The following ZFHX2 variants were observed in gnomAD, a reference collection of about 807,000 sequenced individuals.
The protein encoded by ZFHX2 is zinc finger homeobox 2.
ZFHX2 carries 75 observed loss-of-function variants against 164.8 expected under a neutral mutation model. The ratio of observed to expected loss-of-function variants is 0.46; its 90% CI spans 0.38 to 0.55. The LOEUF (loss-of-function observed/expected upper bound fraction) is 0.55. Among genes scored for constraint, ZFHX2 ranks in the 20% least tolerant of loss-of-function variants. The pLI is 0.00. For missense variants in ZFHX2, 2,933 were observed against 3,308.0 expected, an observed-to-expected ratio of 0.89 and a Z score of 2.78; for synonymous variants, 1,217 against 1,351.4, an observed-to-expected ratio of 0.90 and a Z score of 2.18.
At position 23,523,420 on chromosome 14, in the gene ZFHX2, G is replaced by A; in HGVS notation, c.6522C>T (p.Leu2174=). ...TCAGCTGGGCTCGAACCGCCTCCTT[G>A]AGCTTGGCCAGGTGCTGACGGGAAA... ...HLFSRQHLAK[L]KEAVRAQLKS... is the part of the protein sequence containing the mutation. The change falls in exon 9 of 10, where the codon CTC becomes CTT. Residue 2174 remains leucine, a synonymous_variant. Coordinates refer to ENST00000419474, the MANE Select transcript of ZFHX2 (RefSeq NM_033400.3). This position sits in a 1 kb window ranked among gnomAD's most constrained non-coding sequence, Gnocchi z 4.1. 1 of 1,531,776 alleles carries A rather than the reference G, an allele frequency of 6.5e-7. No homozygotes were observed. 94.9% of individuals were successfully genotyped at this position (1,531,776 alleles called of 1,614,324 possible).
rs1311788875 is a variant in ZFHX2, at chr14:23,523,714, C to T, written c.6228G>A (p.Gln2076=). The T allele has an allele frequency of 6.5e-7, 1 of 1,536,510 alleles. No homozygotes were observed. The highest frequency in any genetic ancestry group is 1.2e-5 in the South Asian group (1 of 84,076). ...RRYRTQMSSL[Q]LKIMKACYEA... ...CATAGCAGGCTTTCATGATCTTCAG[C>T]TGCAGGCTGCTCATCTGGGTCCTGT... Residue 2076 remains glutamine, a synonymous_variant, in exon 9 of 10, where the codon CAG becomes CAA. Coordinates refer to ENST00000419474, the MANE Select transcript of ZFHX2 (RefSeq NM_033400.3). This position sits in a 1 kb window ranked among gnomAD's most constrained non-coding sequence, Gnocchi z 4.1.
At position 23,522,803 on chromosome 14, in the gene ZFHX2, G is replaced by T. The variant is rs1878190378; in HGVS notation, c.6878C>A (p.Thr2293Asn). 1 of 1,536,106 alleles carries T rather than the reference G, an allele frequency of 6.5e-7. No homozygotes were observed. Among genetic ancestry groups the T allele is most frequent in the African/African-American group, 1.4e-5 (1 of 73,034 alleles). Residue 2293 changes from threonine (T) to asparagine (N), a missense_variant, in exon 10 of 10, where the codon ACC (threonine) becomes AAC (asparagine). Physicochemically the swap from Thr to Asn is moderately conservative, Grantham distance 65 (BLOSUM62 0). Transcript: ENST00000419474. ...AGGAGGGCCTGGGACAGGGTCAGTGGTGCCTGCTGTGGAGGTGTTGGTTTG... is the reference window on the plus strand; with the variant it reads ...AGGAGGGCCTGGGACAGGGTCAGTGTTGCCTGCTGTGGAGGTGTTGGTTTG... Reference protein sequence around the residue: ...PDQTNTSTAGTTDPVPGPPTE... With the variant: ...PDQTNTSTAGNTDPVPGPPTE...
chr14:23,523,808 C>T lies in ZFHX2; in HGVS notation c.6134G>A (p.Gly2045Glu). The change falls in exon 9 of 10, where the codon GGG becomes GAG. Residue 2045 changes from glycine to glutamate, a missense_variant. Transcript: ENST00000419474. The surrounding 1 kb of genome is among the most constrained non-coding windows in gnomAD (Gnocchi z 4.1). ...ASSLAEPESP[G>E]AGGTSGGPGG... ...AGGTCCCCCACTGGTCCCTCCAGCC[C>T]CAGGGGATTCTGGTTCAGCTAGGCT... 2 of 1,536,252 alleles carry T rather than the reference C, an allele frequency of 1.3e-6. No homozygotes were observed. The highest frequency in any genetic ancestry group is 1.7e-4 in the Middle Eastern group (1 of 5,990).
Position 23,551,037 on chromosome 14 carries a change from C to T in ZFHX2, c.-50+306G>A, listed in dbSNP as rs995856127. Among the ~76,000 whole-genome samples, 1 of 152,000 alleles carries T rather than the reference C, an allele frequency of 6.6e-6. No homozygotes were observed. On this transcript the variant is annotated intron_variant, in intron 1 of 9. Transcript: ENST00000419474. The surrounding 1 kb of genome is among the most constrained non-coding windows in gnomAD (Gnocchi z 5.3). ...TAGGCTTTCCATACCCTTCGTCTGT[C>T]CGGCGGGCCTCTGCCTTTCCCGTTC...
chr14:23,548,846 C>T (rs577003531), intron 1 of ZFHX2, among the ~76,000 whole-genome samples: 2 of 152,216 alleles, frequency 1.3e-5, no homozygotes, highest in South Asian at 2.1e-4. Flanking sequence ...TCCAACCCCC[C>T]GGCGCCCCCG....
rs200489505 is a variant in ZFHX2, at chr14:23,522,784, G to A, written c.6897C>T (p.Gly2299=). ...STAGTTDPVP[G]PPTEPLGDKV... is the part of the protein sequence containing the mutation. ...TGTCCCCCAAGGGCTCAGTAGGAGG[G>A]CCTGGGACAGGGTCAGTGGTGCCTG... The change falls in exon 10 of 10, where the codon GGC becomes GGT. Residue 2299 remains glycine (G), a synonymous_variant. Transcript: ENST00000419474. 7.2e-6 allele frequency: 11 copies of A among 1,536,452 alleles called. No homozygotes were observed. In the East Asian group the frequency reaches 9.8e-5, roughly 14 times the overall value.
In ZFHX2 at chr14:23,523,422, G is replaced by A. The variant is rs1400356892; in HGVS notation, c.6520C>T (p.Leu2174Phe). The A allele has an allele frequency of 3.3e-6, 5 of 1,532,514 alleles. No individual in the cohort carries two copies. Among genetic ancestry groups the A allele is most frequent in the South Asian group, 1.2e-5 (1 of 83,322 alleles). The allele number at this position is 1,532,514 out of a possible 1,614,324, so 94.9% of individuals were successfully genotyped here. The change falls in exon 9 of 10, where the codon CTC becomes TTC. Residue 2174 changes from leucine (L) to phenylalanine (F), a missense_variant. Coordinates refer to ENST00000419474, the MANE Select transcript of ZFHX2 (RefSeq NM_033400.3). This position sits in a 1 kb window ranked among gnomAD's most constrained non-coding sequence, Gnocchi z 4.1. ...HLFSRQHLAK[L>F]KEAVRAQLKS... is the part of the protein sequence containing the mutation. ...AGCTGGGCTCGAACCGCCTCCTTGA[G>A]CTTGGCCAGGTGCTGACGGGAAAAG...
rs1476615021 is a variant in ZFHX2 at position 23,551,077 on chromosome 14, A to C, written c.-50+266T>G. On this transcript the variant is annotated intron_variant, in intron 1 of 9. Transcript: ENST00000419474. The surrounding 1 kb of genome is among the most constrained non-coding windows in gnomAD (Gnocchi z 5.3). ...CTTTCCCGTTCCCGTTTCTCCCTCCACCCCCGCATCTCTCTTCCCCCATCC... is the reference window on the plus strand; with the variant it reads ...CTTTCCCGTTCCCGTTTCTCCCTCCCCCCCCGCATCTCTCTTCCCCCATCC... Among the ~76,000 whole-genome samples the C allele has an allele frequency of 1.1e-3, 118 of 108,810 alleles. No homozygotes were observed. Among genetic ancestry groups the C allele is most frequent in the Non-Finnish European group, 1.1e-3 (57 of 51,422 alleles). 71.4% of individuals were successfully genotyped at this position (108,810 alleles called of 152,430 possible). A position where few individuals can be genotyped will look rare whatever the true frequency, so the allele number is the denominator to read the frequency against.
At chr14:23,541,332 AGGCTGGAGTACAAT>A (rs945994973) in intron 1 of ZFHX2, among the ~76,000 whole-genome samples, 2 of 145,302 alleles carry the variant, frequency 1.4e-5, no homozygotes, top group African/African-American at 5.2e-5. Context: ...CTTGTTGCCC[AGGCTGGAGTACAAT>A]GGTGCGATCT....
rs754268333 is a variant in ZFHX2, at chr14:23,535,179, C to T, written c.147G>A (p.Glu49=). The T allele has an allele frequency of 6.5e-7, 1 of 1,533,294 alleles. No homozygotes were observed. Among genetic ancestry groups the T allele is most frequent in the Middle Eastern group, 1.7e-4 (1 of 5,976 alleles). The allele number at this position is 1,533,294 out of a possible 1,614,324, so 95.0% of individuals were successfully genotyped here. Residue 49 remains glutamate, a synonymous_variant, in exon 2 of 10, where the codon GAG becomes GAA. Coordinates refer to ENST00000419474, the MANE Select transcript of ZFHX2 (RefSeq NM_033400.3). The surrounding 1 kb of genome is among the most constrained non-coding windows in gnomAD (Gnocchi z 4.5). ...CCCCTGGCTCTGAGGACCTCATGTT[C>T]TCAGAGGTGGAGGAGGCAGCAGGGG... ...KDPPAASSTS[E]NMRSSEPGGQ... is the part of the protein sequence containing the mutation.
At chr14:23,548,921 CT>C (rs1881673718) in intron 1 of ZFHX2, among the ~76,000 whole-genome samples, 1 of 152,162 alleles carries the variant, frequency 6.6e-6, no homozygotes, top group African/African-American at 2.4e-5. Flanking sequence ...CATTTGTTTC[CT>C]TTGATACCTC....
rs1478040784 is a variant in ZFHX2, at chr14:23,534,642, G to C, written c.684C>G (p.Ser228Arg). 1.2e-5 allele frequency: 19 copies of C among 1,536,186 alleles called. No homozygotes were observed. Among genetic ancestry groups the C allele is most frequent in the Non-Finnish European group, 1.6e-5 (18 of 1,146,928 alleles). The change falls in exon 2 of 10, where the codon AGC (serine) becomes AGG (arginine). Residue 228 changes from serine (S) to arginine (R), a missense_variant. Coordinates refer to ENST00000419474, the MANE Select transcript of ZFHX2 (RefSeq NM_033400.3). The surrounding 1 kb of genome is among the most constrained non-coding windows in gnomAD (Gnocchi z 4.5). Reference sequence around the variant, plus strand: ...AGAAGACCGCCACGTGGTTGCCCCCGCTGTTCCCCATGGGGCCATCTTTGG... The same window carrying C: ...AGAAGACCGCCACGTGGTTGCCCCCCCTGTTCCCCATGGGGCCATCTTTGG... ...GDPKDGPMGN[S>R]GGNHVAVFWL...
In ZFHX2 at chr14:23,533,432, A is replaced by G; in HGVS notation, c.1894T>C (p.Phe632Leu). The change falls in exon 2 of 10, where the codon TTC becomes CTC. Residue 632 changes from phenylalanine to leucine, a missense_variant. Coordinates refer to ENST00000419474, the MANE Select transcript of ZFHX2 (RefSeq NM_033400.3). The surrounding 1 kb of genome is among the most constrained non-coding windows in gnomAD (Gnocchi z 4.8). ...GATPTSPPEL[F>L]QYFGPQALGQ... ...AGGGCCTGGGGCCCAAAGTACTGGA[A>G]GAGTTCAGGGGGGCTAGTGGGGGTA... 6.6e-7 allele frequency: 1 copy of G among 1,525,810 alleles called. No homozygotes were observed. Among genetic ancestry groups the G allele is most frequent in the Non-Finnish European group, 8.8e-7 (1 of 1,140,126 alleles). 94.5% of individuals were successfully genotyped at this position (1,525,810 alleles called of 1,614,324 possible). A position where few individuals can be genotyped will look rare whatever the true frequency, so the allele number is the denominator to read the frequency against.
At chr14:23,544,624 G>A (rs1397455828) in intron 1 of ZFHX2, among the ~76,000 whole-genome samples, 1 of 152,180 alleles carries the variant, frequency 6.6e-6, no homozygotes, top group Non-Finnish European at 1.5e-5. Context: ...CTGTGAGCCC[G>A]TATGTGGTTG....
At chr14:23,542,482 G>A (rs959822487) in intron 1 of ZFHX2, among the ~76,000 whole-genome samples, 1 of 152,220 alleles carries the variant, frequency 6.6e-6, no homozygotes, top group African/African-American at 2.4e-5. Flanking sequence ...AGTGTTGGAT[G>A]TGTTAGGACA....
chr14:23,525,657 C>G lies in ZFHX2; in HGVS notation c.4285G>C (p.Asp1429His), dbSNP rs753603580. ...GNEAGPSSPPDPLPNEAARTA... is the reference protein window; with the variant it reads ...GNEAGPSSPPHPLPNEAARTA... ...CGGGCAGCCTCGTTGGGCAATGGGT[C>G]GGGGGGTGAGGAAGGCCCTGCCTCA... Residue 1429 changes from aspartate to histidine, a missense_variant, in exon 9 of 10, where the codon GAC becomes CAC. Physicochemically the swap from Asp to His is moderately conservative, Grantham distance 81 (BLOSUM62 -1). Transcript: ENST00000419474. The surrounding 1 kb of genome is among the most constrained non-coding windows in gnomAD (Gnocchi z 5.9). 1.3e-6 allele frequency: 2 copies of G among 1,535,286 alleles called. No homozygotes were observed. The highest frequency in any genetic ancestry group is 1.7e-6 in the Non-Finnish European group (2 of 1,146,634).
At position 23,525,695 on chromosome 14, in the gene ZFHX2, G is replaced by A. The variant is rs1374709499; in HGVS notation, c.4247C>T (p.Ala1416Val). The change falls in exon 9 of 10, where the codon GCC becomes GTC. Residue 1416 changes from alanine to valine, a missense_variant. By Grantham distance (64) the Ala-to-Val change is moderately conservative (BLOSUM62 0). Coordinates refer to ENST00000419474, the MANE Select transcript of ZFHX2 (RefSeq NM_033400.3). The surrounding 1 kb of genome is among the most constrained non-coding windows in gnomAD (Gnocchi z 5.9). The stretch of plus-strand genomic sequence containing the variant: ...AGGCCCTGCCTCATTACCCTCTTTG[G>A]CCATGGGGGGCCGCTCCCACTCCCG... ...AEREWERPPMAKEGNEAGPSS... is the reference protein window; with the variant it reads ...AEREWERPPMVKEGNEAGPSS... 1 of 1,526,280 alleles carries A rather than the reference G, an allele frequency of 6.6e-7. No homozygotes were observed. The highest frequency in any genetic ancestry group is 1.2e-5 in the South Asian group (1 of 82,496). The allele number at this position is 1,526,280 out of a possible 1,614,324, so 94.5% of individuals were successfully genotyped here. A position where few individuals can be genotyped will look rare whatever the true frequency, so the allele number is the denominator to read the frequency against.
chr14:23,522,744 G>A lies in ZFHX2; in HGVS notation c.6937C>T (p.Arg2313Ter), dbSNP rs1595131208. 6.5e-6 allele frequency: 10 copies of A among 1,536,506 alleles called. No homozygotes were observed. In the South Asian group the frequency reaches 7.1e-5, roughly 11 times the overall value. Reference protein sequence around the residue: ...EPLGDKVSSERKPVAGPTSSS... With the variant: ...EPLGDKVSSE Reference sequence around the variant, plus strand: ...CTGGTGGGGCCTGCAACTGGCTTTCGCTCACTGGAGACCTTGTCCCCCAAG... The same window carrying A: ...CTGGTGGGGCCTGCAACTGGCTTTCACTCACTGGAGACCTTGTCCCCCAAG... Residue 2313 changes from arginine to a stop codon, truncating the protein, a stop_gained, in exon 10 of 10, where the codon CGA becomes TGA. Coordinates refer to ENST00000419474, the MANE Select transcript of ZFHX2 (RefSeq NM_033400.3). LOFTEE classifies it high-confidence loss of function.
In ZFHX2 at chr14:23,534,874, TC is replaced by T; in HGVS notation, c.451del (p.Glu151LysfsTer111). 1 of 1,536,078 alleles carries T rather than the reference TC, an allele frequency of 6.5e-7. No individual in the cohort carries two copies. The highest frequency in any genetic ancestry group is 8.7e-7 in the Non-Finnish European group (1 of 1,146,854). On this transcript the variant is annotated frameshift_variant, in exon 2 of 10. Transcript: ENST00000419474. LOFTEE classifies it high-confidence loss of function. This position sits in a 1 kb window ranked among gnomAD's most constrained non-coding sequence, Gnocchi z 4.5. ...GFPWGEAGIK[E>X]EPSLPFLAYP... ...GGCAAGGAAGGGCAGACTGGGCTCT[TC>T]CTTGATGCCCGCCTCACCCCAGGGG... is the stretch of plus-strand genomic sequence containing the variant.
Sources: allele counts gnomAD v4.1 joint callset (sites outside exome capture counted in the v4.1 genomes callset), GRCh38; gene constraint gnomAD v4.1.1; non-coding constraint Gnocchi (gnomAD v3.1); transcripts MANE v1.5; gene names NCBI Gene and HGNC (gene_info 2026-07-23, HGNC 2026-07-21).